FBXO16: variants seen among roughly 807,000 people sequenced by gnomAD.
FBXO16 encodes F-box only protein 16.
A neutral mutation model predicts 41.0 loss-of-function variants in FBXO16; 31 were observed. The observed-to-expected ratio is 0.76, with a 90% CI of 0.57 to 1.02. The LOEUF (loss-of-function observed/expected upper bound fraction) is 1.02. Among genes scored for constraint, FBXO16 ranks in the 50% least tolerant of loss-of-function variants. FBXO16 has a pLI of 0.00. For missense variants in FBXO16, 361 were observed against 346.2 expected (o/e 1.04, Z -0.34); for synonymous variants, 133 against 117.8 (o/e 1.13, Z -0.84).
chr8:28,473,759 T>A lies in FBXO16; in HGVS notation c.135+13A>T, dbSNP rs374336412. 2 of 1,594,818 alleles carry A rather than the reference T, an allele frequency of 1.3e-6. No homozygotes were observed. The highest frequency in any genetic ancestry group is 2.7e-5 in the African/African-American group (2 of 74,292). On this transcript the variant is annotated intron_variant, in intron 3 of 8. Transcript: ENST00000380254. ...CATAACATAATGCAAAAATAGTATTTTTAAATGTTTACCCATTTGCCAAGC... is the reference window on the plus strand; with the variant it reads ...CATAACATAATGCAAAAATAGTATTATTAAATGTTTACCCATTTGCCAAGC...
intron 2 of FBXO16, among the ~76,000 whole-genome samples, chr8:28,475,392 G>A (rs969716109): frequency 6.6e-6 from 1 of 152,156 alleles, no homozygotes; most frequent in Non-Finnish European, 1.5e-5. Flanking sequence ...AGAAGAAAAA[G>A]ACCCTCCCCT....
intron 4 of FBXO16, among the ~76,000 whole-genome samples, 178 bp downstream of exon 4, chr8:28,463,432 ATG>A (rs1803177412): frequency 2.0e-5 from 3 of 150,650 alleles, no homozygotes; most frequent in African/African-American, 4.9e-5. Context: ...ATGTGTGTAT[ATG>A]TGTATGTGTG....
intron 4 of FBXO16, among the ~76,000 whole-genome samples, chr8:28,463,088 A>AC (rs1803163157): frequency 6.6e-6 from 1 of 152,198 alleles, no homozygotes; most frequent in South Asian, 2.1e-4. Flanking sequence ...GGTGGAGGTT[A>AC]ATCCAAATGT....
At chr8:28,461,113 G>C (rs940671916) in intron 4 of FBXO16, among the ~76,000 whole-genome samples, 3 of 146,728 alleles carry the variant, frequency 2.0e-5, no homozygotes, top group East Asian at 2.0e-4. Flanking sequence ...CCAATGACGC[G>C]TCGTGGAGAT....
intron 7 of FBXO16, among the ~76,000 whole-genome samples, chr8:28,443,023 C>CTT (rs61693872): frequency 0.017 from 2,435 of 143,078 alleles, 72 homozygotes; most frequent in African/African-American, 0.059. Flanking sequence ...ATTACTTGTA[C>CTT]TTTTTTTTTT....
chr8:28,471,906 A>ATGAGAAAG (rs1275016192), intron 3 of FBXO16, among the ~76,000 whole-genome samples: 4 of 151,742 alleles, frequency 2.6e-5, no homozygotes, highest in African/African-American at 9.7e-5. Flanking sequence ...TGAGGCACAG[A>ATGAGAAAG]TGAGAAAGTC....
At chr8:28,429,312 C>A (rs748265570) in intron 8 of FBXO16, 66 bp downstream of exon 8, 4 of 1,552,430 alleles carry the variant, frequency 2.6e-6, no homozygotes, top group Non-Finnish European at 3.6e-6. Context: ...CTCCATTAAT[C>A]AATACATGCA....
Position 28,463,801 on chromosome 8 carries a change from G to T in FBXO16, c.153C>A (p.Asp51Glu), listed in dbSNP as rs1426062837. 6.2e-7 allele frequency: 1 copy of T among 1,613,640 alleles called. No individual in the cohort carries two copies. The highest frequency in any genetic ancestry group is 1.3e-5 in the African/African-American group (1 of 74,930). Residue 51 changes from aspartate to glutamate, a missense_variant, in exon 4 of 9, where the codon GAC (aspartate) becomes GAA (glutamate). Asp to Glu is a conservative substitution (Grantham distance 45, BLOSUM62 2). Coordinates refer to ENST00000380254, the MANE Select transcript of FBXO16 (RefSeq NM_172366.4). ...LLGKWFDKWT[D>E]SQRRRILTGL... is the part of the protein sequence containing the mutation. ...CTGTGAGGATTCTTCTTCTTTGAGA[G>T]TCTGTCCATTTGTCAAACTGGAAAC...
chr8:28,465,684 T>A (rs1167238298), intron 3 of FBXO16, among the ~76,000 whole-genome samples: 1 of 152,140 alleles, frequency 6.6e-6, no homozygotes, highest in African/African-American at 2.4e-5. Flanking sequence ...ATTGATTGTT[T>A]CAGAGTTACT....
At chr8:28,441,052 C>T (rs1320566441) in intron 7 of FBXO16, among the ~76,000 whole-genome samples, 3 of 152,182 alleles carry the variant, frequency 2.0e-5, no homozygotes, top group African/African-American at 7.2e-5. Flanking sequence ...TAAGATCTTG[C>T]TTCCATGTGT....
rs542612127 is a variant in FBXO16 at position 28,457,043 on chromosome 8, C to T, written c.343-113G>A. ...CCTGGACCTGAGAAAACTTTTTTGT[C>T]CTTTGCCTCCAAACCATAGCTTAAA... On this transcript the variant is annotated intron_variant, in intron 4 of 8. Coordinates refer to ENST00000380254, the MANE Select transcript of FBXO16 (RefSeq NM_172366.4). The T allele has an allele frequency of 2.3e-4, 258 of 1,124,388 alleles. 5 individuals carry two copies. The South Asian group carries it at 4.2e-3, about 18-fold the overall frequency. 69.7% of individuals were successfully genotyped at this position (1,124,388 alleles called of 1,614,324 possible).
At chr8:28,441,526 A>G (rs953706074) in intron 7 of FBXO16, among the ~76,000 whole-genome samples, 1 of 152,178 alleles carries the variant, frequency 6.6e-6, no homozygotes, top group African/African-American at 2.4e-5. Flanking sequence ...ACCTGAGGTC[A>G]GGAGTTTGAG....
chr8:28,463,478 TTG>T lies in FBXO16; in HGVS notation c.342+132_342+133del, dbSNP rs941251707. The stretch of plus-strand genomic sequence containing the variant: ...AGTATATGTGTGTCTAAGTGTACAT[TTG>T]TGTGTGTTTGTGTGTATGTGTATAT... On this transcript the variant is annotated intron_variant, in intron 4 of 8. Transcript: ENST00000380254. 3.3e-5 allele frequency: 27 copies of T among 811,524 alleles called. No individual in the cohort carries two copies. The East Asian group carries it at 4.0e-4, about 12-fold the overall frequency. The allele number at this position is 811,524 out of a possible 1,614,324, so 50.3% of individuals were successfully genotyped here. A position where few individuals can be genotyped will look rare whatever the true frequency, so the allele number is the denominator to read the frequency against.
At chr8:28,432,407 G>C (rs935808847) in intron 7 of FBXO16, among the ~76,000 whole-genome samples, 3 of 151,988 alleles carry the variant, frequency 2.0e-5, no homozygotes, top group Non-Finnish European at 4.4e-5. Flanking sequence ...CTGGGAGTCG[G>C]AGGTTGCAGT....
chr8:28,434,168 C>T (rs957805403), intron 7 of FBXO16, among the ~76,000 whole-genome samples: 12 of 152,140 alleles, frequency 7.9e-5, no homozygotes. Context: ...ACCACGTTGG[C>T]CAGGCTGGTC....
chr8:28,463,480 G>C, intron 4 of FBXO16, 132 bp downstream of exon 4: 3 of 819,074 alleles, frequency 3.7e-6, no homozygotes, highest in Non-Finnish European at 5.8e-6. Context: ...GTGTACATTT[G>C]TGTGTGTTTG....
Position 28,468,848 on chromosome 8 carries a change from G to GA in FBXO16, c.135+4923dup, listed in dbSNP as rs60077275. Among the ~76,000 whole-genome samples, 451 of 132,956 alleles carry GA rather than the reference G, an allele frequency of 3.4e-3. 3 individuals carry two copies. Among genetic ancestry groups the GA allele is most frequent in the African/African-American group, 0.011 (383 of 34,942 alleles). 87.2% of individuals were successfully genotyped at this position (132,956 alleles called of 152,430 possible). On this transcript the variant is annotated intron_variant, in intron 3 of 8. Transcript: ENST00000380254. ...TAGCTACAGAGTAAGACTCCATCTT[G>GA]AAAAAAAAAAAAAAGTTTCAAGCAG... is the stretch of plus-strand genomic sequence containing the variant.
chr8:28,444,857 C>T (rs146549201), intron 7 of FBXO16, among the ~76,000 whole-genome samples: 3,214 of 134,518 alleles, frequency 0.024, 115 homozygotes, highest in African/African-American at 0.087. Context: ...GGTCTCAATC[C>T]CCTAACCTCG....
In FBXO16 at chr8:28,483,353, C is replaced by A; in HGVS notation, c.94G>T (p.Asp32Tyr). ...WTPLNHQLLN[D>Y]RVFEERRALL... Reference sequence around the variant, plus strand: ...AAATAGTTCTGGTCACTTACCCGGTCATTCAATAGCTGATGGTTTAGGGGT... The same window carrying A: ...AAATAGTTCTGGTCACTTACCCGGTAATTCAATAGCTGATGGTTTAGGGGT... The change falls in exon 2 of 9, where the codon GAC becomes TAC. Residue 32 changes from aspartate (D) to tyrosine (Y), a missense_variant. Coordinates refer to ENST00000380254, the MANE Select transcript of FBXO16 (RefSeq NM_172366.4). 1.2e-6 allele frequency: 2 copies of A among 1,609,450 alleles called. No individual in the cohort carries two copies. Among genetic ancestry groups the A allele is most frequent in the South Asian group, 2.2e-5 (2 of 89,636 alleles).
Sources: allele counts gnomAD v4.1 joint callset (sites outside exome capture counted in the v4.1 genomes callset), GRCh38; gene constraint gnomAD v4.1.1; transcripts MANE v1.5; gene names NCBI Gene and HGNC (gene_info 2026-07-23, HGNC 2026-07-21).